ATOSB: variants seen among roughly 807,000 people sequenced by gnomAD.
ATOSB encodes the protein atos homolog protein B.
At chr9:35,113,682 C>CT in the ATOSB span, among the ~76,000 whole-genome samples, 1 of 151,290 alleles carries the variant, frequency 6.6e-6, no homozygotes, top group Non-Finnish European at 1.5e-5. Flanking sequence ...ATAAAGAGGC[C>CT]TTACCTTCCT....
chr9:35,110,553 C>T, the ATOSB span: 1 of 152,504 alleles, frequency 6.6e-6, no homozygotes, highest in Non-Finnish European at 1.5e-5. Flanking sequence ...CAAGCTGACT[C>T]ATGGGGCAGG....
At chr9:35,106,528 C>A in the ATOSB span, 6 of 1,583,502 alleles carry the variant, frequency 3.8e-6, no homozygotes, top group South Asian at 1.1e-5. This position sits in a 1 kb window ranked among gnomAD's most constrained non-coding sequence, Gnocchi z 4.6. Flanking sequence ...CAAACCCCAA[C>A]GGGAGCTACC....
chr9:35,114,617 A>G, the ATOSB span, among the ~76,000 whole-genome samples: 52,522 of 152,072 alleles, frequency 0.35, 10,242 homozygotes, highest in East Asian at 0.92. Context: ...TAGTGCTTCC[A>G]AGCCTGGAGT....
chr9:35,107,490 G>A, the ATOSB span: 1 of 1,607,374 alleles, frequency 6.2e-7, no homozygotes, highest in South Asian at 1.1e-5. Flanking sequence ...GCGCCTCCGA[G>A]GGGCTGGCCC....
At chr9:35,111,773 A>AG in the ATOSB span, among the ~76,000 whole-genome samples, 3 of 152,128 alleles carry the variant, frequency 2.0e-5, no homozygotes, top group South Asian at 2.1e-4. Context: ...TTGGTCCATA[A>AG]GGGGGTAGGC....
chr9:35,113,193 C>A, the ATOSB span, among the ~76,000 whole-genome samples: 16 of 152,148 alleles, frequency 1.1e-4, no homozygotes, highest in South Asian at 2.1e-4. Flanking sequence ...CCTTAGCAAC[C>A]CCACCTTATT....
the ATOSB span, among the ~76,000 whole-genome samples, chr9:35,114,603 CT>C: frequency 6.6e-6 from 1 of 152,220 alleles, no homozygotes; most frequent in South Asian, 2.1e-4. Context: ...CTAGCCTGTT[CT>C]GATAGTGCTT....
chr9:35,114,196 C>T, the ATOSB span, among the ~76,000 whole-genome samples: 89 of 152,292 alleles, frequency 5.8e-4, 1 homozygote, highest in South Asian at 0.016. Flanking sequence ...TCTCTTCATG[C>T]CCCACCCACT....
the ATOSB span, chr9:35,106,944 TG>T: frequency 1.0e-5 from 15 of 1,494,294 alleles, no homozygotes; most frequent in Non-Finnish European, 1.4e-5. The surrounding 1 kb of genome is among the most constrained non-coding windows in gnomAD (Gnocchi z 4.6). Context: ...ATGTATGTTT[TG>T]GGGCAGAAGC....
the ATOSB span, chr9:35,106,483 C>G: frequency 1.2e-6 from 2 of 1,606,000 alleles, no homozygotes; most frequent in Non-Finnish European, 1.7e-6. The surrounding 1 kb of genome is among the most constrained non-coding windows in gnomAD (Gnocchi z 4.6). Flanking sequence ...AAGCCACATT[C>G]CACCATCCCA....
chr9:35,107,221 G>T, the ATOSB span: 1 of 878,618 alleles, frequency 1.1e-6, no homozygotes, highest in Non-Finnish European at 1.7e-6. Flanking sequence ...TACTTGGGAG[G>T]CTGAGGTTGG....
At chr9:35,113,347 C>T in the ATOSB span, among the ~76,000 whole-genome samples, 1 of 152,314 alleles carries the variant, frequency 6.6e-6, no homozygotes, top group South Asian at 2.1e-4. Context: ...GACTTACCAC[C>T]AGGTACGGTG....
chr9:35,105,114 G>T, the ATOSB span: 1 of 1,226,240 alleles, frequency 8.2e-7, no homozygotes, highest in African/African-American at 1.5e-5. This position sits in a 1 kb window ranked among gnomAD's most constrained non-coding sequence, Gnocchi z 5.5. Flanking sequence ...CATGGTGAGG[G>T]CTTTAATTCA....
the ATOSB span, chr9:35,107,765 G>A: frequency 3.2e-6 from 5 of 1,566,182 alleles, no homozygotes; most frequent in Middle Eastern, 1.7e-4. Context: ...ACTCCCCCAG[G>A]GACCCCTGTC....
At chr9:35,106,263 C>T in the ATOSB span, 2 of 1,613,714 alleles carry the variant, frequency 1.2e-6, no homozygotes, top group Non-Finnish European at 1.7e-6. This position sits in a 1 kb window ranked among gnomAD's most constrained non-coding sequence, Gnocchi z 4.6. Flanking sequence ...AGGAAGGGAG[C>T]CGGGGCATTT....
chr9:35,113,669 TAAATAAAG>T, the ATOSB span, among the ~76,000 whole-genome samples: 1 of 116,860 alleles, frequency 8.6e-6, no homozygotes, highest in Non-Finnish European at 1.8e-5. Flanking sequence ...AATAAATAAA[TAAATAAAG>T]AGGCCTTACC....
At chr9:35,111,043 A>C in the ATOSB span, 1 of 152,444 alleles carries the variant, frequency 6.6e-6, no homozygotes, top group Non-Finnish European at 1.5e-5. Flanking sequence ...CTCGGCCCCC[A>C]GCCTAGAGCC....
At chr9:35,104,659 A>G in the ATOSB span, 1 of 411,898 alleles carries the variant, frequency 2.4e-6, no homozygotes, top group South Asian at 1.8e-5. Flanking sequence ...GGGGAAGGAC[A>G]GGGGAAGCTG....
At chr9:35,115,453 T>C in the ATOSB span, among the ~76,000 whole-genome samples, 1 of 151,888 alleles carries the variant, frequency 6.6e-6, no homozygotes, top group East Asian at 1.9e-4. Flanking sequence ...CTACAACCCC[T>C]TCCCCTAGAT....
Sources: allele counts gnomAD v4.1 joint callset (sites outside exome capture counted in the v4.1 genomes callset), GRCh38; gene constraint gnomAD v4.1.1; non-coding constraint Gnocchi (gnomAD v3.1); transcripts MANE v1.5; gene names NCBI Gene and HGNC (gene_info 2026-07-23, HGNC 2026-07-21).